Variants in SLC6A6 observed in about 807,000 individuals in gnomAD.
SLC6A6 encodes solute carrier family 6 member 6, also known as sodium- and chloride-dependent taurine transporter.
A neutral mutation model predicts 68.8 loss-of-function variants in SLC6A6; 16 were observed. The observed-to-expected ratio is 0.23, with a 90% CI of 0.16 to 0.35. The LOEUF (loss-of-function observed/expected upper bound fraction) is 0.35. Ranked by LOEUF, SLC6A6 falls within the 10% of genes least tolerant of loss-of-function variation. SLC6A6 has a pLI of 1.00. For synonymous variants in SLC6A6, 312 were observed against 315.4 expected (o/e 0.99, Z 0.12); for missense variants, 474 against 802.8 (o/e 0.59, Z 4.95).
In SLC6A6 at chr3:14,450,767, C is replaced by T. The variant is rs539353549; in HGVS notation, c.599+2951C>T. ...CCAGGTGCCGTGGGCAAGAAAGACCCGGCCTCCTGCCTTCAAGAGCCTTCT... is the reference window on the plus strand; with the variant it reads ...CCAGGTGCCGTGGGCAAGAAAGACCTGGCCTCCTGCCTTCAAGAGCCTTCT... On this transcript the variant is annotated intron_variant, in intron 5 of 14. Transcript: ENST00000622186. The surrounding 1 kb of genome is among the most constrained non-coding windows in gnomAD (Gnocchi z 4.1). Among the ~76,000 whole-genome samples, 11 of 152,342 alleles carry T rather than the reference C, an allele frequency of 7.2e-5. No homozygotes were observed. The highest frequency in any genetic ancestry group is 3.9e-4 in the Admixed American group (6 of 15,310).
chr3:14,467,975 G>GGC lies in SLC6A6; in HGVS notation c.971+20_971+21dup. 1.2e-6 allele frequency: 2 copies of GGC among 1,609,324 alleles called. No homozygotes were observed. Among genetic ancestry groups the GGC allele is most frequent in the East Asian group, 4.5e-5 (2 of 44,862 alleles). On this transcript the variant is annotated intron_variant, in intron 8 of 14. Transcript: ENST00000622186. ...CGTACAGGCAAGTGTTGCGCCGGCG[G>GGC]GCCTGGTGGACTTTAGAAATGATGA...
intron 9 of SLC6A6, among the ~76,000 whole-genome samples, chr3:14,469,431 G>A (rs546809129): frequency 5.9e-5 from 9 of 152,270 alleles, no homozygotes; most frequent in South Asian, 2.1e-4. Context: ...AACATGAGGC[G>A]ATGTCCCAGT....
At chr3:14,403,688 G>A (rs971235872) in intron 1 of SLC6A6, among the ~76,000 whole-genome samples, 1 of 152,232 alleles carries the variant, frequency 6.6e-6, no homozygotes, top group Admixed American at 6.5e-5. Context: ...ACAGCCGGCA[G>A]GGCCAGCAGG....
chr3:14,449,736 A>G (rs557573892), intron 5 of SLC6A6, among the ~76,000 whole-genome samples: 22 of 151,566 alleles, frequency 1.5e-4, no homozygotes, highest in African/African-American at 4.9e-4. Flanking sequence ...CTGAGAATCC[A>G]TTATTATTAT....
rs982257474 is a variant in SLC6A6, at chr3:14,450,983, C to T, written c.599+3167C>T. Among the ~76,000 whole-genome samples, 2 of 152,220 alleles carry T rather than the reference C, an allele frequency of 1.3e-5. No homozygotes were observed. The highest frequency in any genetic ancestry group is 4.8e-5 in the African/African-American group (2 of 41,456). Reference sequence around the variant, plus strand: ...CCAATTCACACATCTTCTTGGCTCCCCCTTCAGAGTATACCTACAATCTGA... The same window carrying T: ...CCAATTCACACATCTTCTTGGCTCCTCCTTCAGAGTATACCTACAATCTGA... On this transcript the variant is annotated intron_variant, in intron 5 of 14. Transcript: ENST00000622186. This position sits in a 1 kb window ranked among gnomAD's most constrained non-coding sequence, Gnocchi z 4.1.
chr3:14,464,164 T>G (rs1169185714), intron 6 of SLC6A6, among the ~76,000 whole-genome samples: 1 of 152,228 alleles, frequency 6.6e-6, no homozygotes, highest in Admixed American at 6.5e-5. Flanking sequence ...AGCGGCTTCC[T>G]GGAGGTCTCA....
chr3:14,429,829 CTT>C (rs1166051517), intron 2 of SLC6A6, among the ~76,000 whole-genome samples: 1 of 152,230 alleles, frequency 6.6e-6, no homozygotes, highest in African/African-American at 2.4e-5. Context: ...CAATGAATGA[CTT>C]TACAGATTAT....
At position 14,447,596 on chromosome 3, in the gene SLC6A6, T is replaced by A. The variant is rs774010319; in HGVS notation, c.379T>A (p.Ser127Thr). ...CPLFSGIGYA[S>T]VVIVSLLNVY... is the part of the protein sequence containing the mutation. ...CCAACCTGCAGGTATCGGCTATGCC[T>A]CCGTTGTAATTGTGTCCCTCCTGAA... The change falls in exon 5 of 15, where the codon TCC becomes ACC. Residue 127 changes from serine (S) to threonine (T), a missense_variant. Ser to Thr is a moderately conservative substitution (Grantham distance 58, BLOSUM62 1). This residue lies in a region of SLC6A6 where 280 missense variants were observed against 533.1 expected (regional missense o/e 0.53). Coordinates refer to ENST00000622186, the MANE Select transcript of SLC6A6 (RefSeq NM_003043.6). The A allele has an allele frequency of 6.2e-7, 1 of 1,614,254 alleles. No homozygotes were observed. Among genetic ancestry groups the A allele is most frequent in the Non-Finnish European group, 8.5e-7 (1 of 1,180,030 alleles).
chr3:14,410,256 A>G (rs1266959591), intron 1 of SLC6A6, among the ~76,000 whole-genome samples: 3 of 150,658 alleles, frequency 2.0e-5, no homozygotes, highest in South Asian at 4.2e-4. Context: ...CCCATCATTC[A>G]TTGCTTGTGT....
intron 5 of SLC6A6, among the ~76,000 whole-genome samples, chr3:14,449,980 G>C (rs1700218960): frequency 6.6e-6 from 1 of 152,102 alleles, no homozygotes; most frequent in African/African-American, 2.4e-5. Context: ...TCAATCTCCT[G>C]ACCTCATGAT....
chr3:14,465,311 A>G (rs1302980661), intron 6 of SLC6A6, among the ~76,000 whole-genome samples: 2 of 152,156 alleles, frequency 1.3e-5, no homozygotes, highest in African/African-American at 4.8e-5. Context: ...TCCCCACCTC[A>G]CACCTGATCT....
At position 14,477,952 on chromosome 3, in the gene SLC6A6, T is replaced by C. The variant is rs1235992679; in HGVS notation, c.1348-514T>C. Among the ~76,000 whole-genome samples the C allele has an allele frequency of 6.6e-6, 1 of 152,066 alleles. No homozygotes were observed. The highest frequency in any genetic ancestry group is 1.5e-5 in the Non-Finnish European group (1 of 68,014). ...GATGAGATAAAGATTGTACTAAGAA[T>C]GGAAGCCTAGCATCAAAGCCAGGGC... is the stretch of plus-strand genomic sequence containing the variant. On this transcript the variant is annotated intron_variant, in intron 11 of 14. Coordinates refer to ENST00000622186, the MANE Select transcript of SLC6A6 (RefSeq NM_003043.6). The surrounding 1 kb of genome is among the most constrained non-coding windows in gnomAD (Gnocchi z 4.2).
chr3:14,423,521 A>G (rs1699527888), intron 2 of SLC6A6, among the ~76,000 whole-genome samples: 1 of 152,126 alleles, frequency 6.6e-6, no homozygotes, highest in Non-Finnish European at 1.5e-5. Context: ...CACTTTCCTC[A>G]TAATAAGCCT....
Position 14,472,088 on chromosome 3 carries a change from G to A in SLC6A6, c.1097-117G>A. The A allele has an allele frequency of 1.5e-6, 1 of 668,248 alleles. No homozygotes were observed. The highest frequency in any genetic ancestry group is 2.7e-6 in the Non-Finnish European group (1 of 369,694). 41.4% of individuals were successfully genotyped at this position (668,248 alleles called of 1,614,324 possible). On this transcript the variant is annotated intron_variant, in intron 9 of 14. Coordinates refer to ENST00000622186, the MANE Select transcript of SLC6A6 (RefSeq NM_003043.6). This position sits in a 1 kb window ranked among gnomAD's most constrained non-coding sequence, Gnocchi z 4.5. Reference sequence around the variant, plus strand: ...GTCTCTTTCCCCAGGCCAGAGTTCAGACCTGGCTCCCTGCTGTATTTGGGT... The same window carrying A: ...GTCTCTTTCCCCAGGCCAGAGTTCAAACCTGGCTCCCTGCTGTATTTGGGT...
At chr3:14,407,515 T>C (rs927086115) in intron 1 of SLC6A6, among the ~76,000 whole-genome samples, 1 of 151,524 alleles carries the variant, frequency 6.6e-6, no homozygotes, top group East Asian at 2.0e-4. Context: ...TTTTTCTTTT[T>C]TTTTTTTTTT....
At position 14,478,963 on chromosome 3, in the gene SLC6A6, G is replaced by T. The variant is rs1008184295; in HGVS notation, c.1451-122G>T. 2.4e-5 allele frequency: 16 copies of T among 672,972 alleles called. No homozygotes were observed. The Admixed American group carries it at 2.8e-4, about 12-fold the overall frequency. The allele number at this position is 672,972 out of a possible 1,614,324, so 41.7% of individuals were successfully genotyped here. A position where few individuals can be genotyped will look rare whatever the true frequency, so the allele number is the denominator to read the frequency against. On this transcript the variant is annotated intron_variant, in intron 12 of 14. Transcript: ENST00000622186. ...GTAAATGTCTGTTTTTGCCACACTTGTATATCCATGGTGTGGAGATGCAGA... is the reference window on the plus strand; with the variant it reads ...GTAAATGTCTGTTTTTGCCACACTTTTATATCCATGGTGTGGAGATGCAGA...
rs968163968 is a variant in SLC6A6, at chr3:14,468,844, C to T, written c.1096+632C>T. ...GTGTGGGCCCTGTTGACCAGGCACTCTTCCTCGGGCTACCTGGAGTCACAG... is the reference window on the plus strand; with the variant it reads ...GTGTGGGCCCTGTTGACCAGGCACTTTTCCTCGGGCTACCTGGAGTCACAG... On this transcript the variant is annotated intron_variant, in intron 9 of 14. Transcript: ENST00000622186. This position sits in a 1 kb window ranked among gnomAD's most constrained non-coding sequence, Gnocchi z 4.5. Among the ~76,000 whole-genome samples, 2 of 152,182 alleles carry T rather than the reference C, an allele frequency of 1.3e-5. No individual in the cohort carries two copies. Among genetic ancestry groups the T allele is most frequent in the Non-Finnish European group, 2.9e-5 (2 of 68,028 alleles).
Position 14,472,759 on chromosome 3 carries a change from A to G in SLC6A6, c.1209+442A>G, listed in dbSNP as rs938746956. Reference sequence around the variant, plus strand: ...TGGGCGATTCGGAGAAGGGACCCACATTTCTGTGTGAGCTGATCATTGTCT... The same window carrying G: ...TGGGCGATTCGGAGAAGGGACCCACGTTTCTGTGTGAGCTGATCATTGTCT... On this transcript the variant is annotated intron_variant, in intron 10 of 14. Transcript: ENST00000622186. This position sits in a 1 kb window ranked among gnomAD's most constrained non-coding sequence, Gnocchi z 4.5. Among the ~76,000 whole-genome samples the G allele has an allele frequency of 6.6e-6, 1 of 152,192 alleles. No individual in the cohort carries two copies. The highest frequency in any genetic ancestry group is 6.5e-5 in the Admixed American group (1 of 15,290).
In SLC6A6 at chr3:14,450,034, G is replaced by T. The variant is rs1700220243; in HGVS notation, c.599+2218G>T. On this transcript the variant is annotated intron_variant, in intron 5 of 14. Transcript: ENST00000622186. This position sits in a 1 kb window ranked among gnomAD's most constrained non-coding sequence, Gnocchi z 4.1. ...CAAAGTGCTGGGATTACAGGCGTGA[G>T]CCACTGTGCCTGGCCAGAATCCATT... Among the ~76,000 whole-genome samples, 1 of 152,208 alleles carries T rather than the reference G, an allele frequency of 6.6e-6. No homozygotes were observed. Among genetic ancestry groups the T allele is most frequent in the East Asian group, 1.9e-4 (1 of 5,184 alleles).
Sources: gnomAD v4.1 joint callset for allele counts (sites outside exome capture counted in the v4.1 genomes callset) on GRCh38, gnomAD v4.1.1 for gene constraint, gnomAD v4.1.1 regional missense constraint, Gnocchi (gnomAD v3.1) non-coding constraint, MANE v1.5 for transcripts, NCBI Gene and HGNC (gene_info 2026-07-23, HGNC 2026-07-21) for gene names.